Variants in CDK5RAP2 observed in about 807,000 individuals in gnomAD.
CDK5RAP2 encodes the protein CDK5 regulatory subunit associated protein 2, also known as CDK5 regulatory subunit-associated protein 2.
Under a neutral mutation model 232.9 loss-of-function variants are expected in CDK5RAP2, and 147 were observed. That is an observed-to-expected ratio of 0.63 (90% CI 0.55 to 0.72). The LOEUF (loss-of-function observed/expected upper bound fraction) is 0.72, where lower values mean the gene tolerates loss of function less well. Among genes scored for constraint, CDK5RAP2 ranks in the 30% least tolerant of loss-of-function variants. The pLI, the probability that CDK5RAP2 is intolerant of heterozygous loss-of-function variation, is 0.00. For missense variants in CDK5RAP2, 2,195 were observed against 2,231.5 expected (o/e 0.98, Z 0.33); for synonymous variants, 833 against 833.7 (o/e 1.00, Z 0.01).
chr9:120,521,114 G>A (rs964403094), intron 11 of CDK5RAP2, among the ~76,000 whole-genome samples: 1 of 151,972 alleles, frequency 6.6e-6, no homozygotes, highest in Non-Finnish European at 1.5e-5. Context: ...AAATAACAGA[G>A]GTTCCACAAA....
intron 26 of CDK5RAP2, 34 bp from the exon 27 acceptor site, chr9:120,419,994 C>G (rs1338843663): frequency 6.4e-7 from 1 of 1,569,652 alleles, no homozygotes; most frequent in Admixed American, 1.7e-5. Flanking sequence ...AAATCATCTC[C>G]CATGCTAAAA....
chr9:120,454,776 T>C (rs2036663379), intron 20 of CDK5RAP2, among the ~76,000 whole-genome samples: 1 of 152,138 alleles, frequency 6.6e-6, no homozygotes, highest in South Asian at 2.1e-4. Context: ...AATGTCCCAG[T>C]CTCCCATCCT....
At chr9:120,518,975 G>C (rs2040493449) in intron 11 of CDK5RAP2, among the ~76,000 whole-genome samples, 1 of 152,070 alleles carries the variant, frequency 6.6e-6, no homozygotes, top group Non-Finnish European at 1.5e-5. Flanking sequence ...AGGAGTTCAA[G>C]ACTAGCCTGG....
rs1225795837 is a variant in CDK5RAP2, at chr9:120,571,729, A to G, written c.127+245T>C. On this transcript the variant is annotated intron_variant, in intron 2 of 37. Coordinates refer to ENST00000349780, the MANE Select transcript of CDK5RAP2 (RefSeq NM_018249.6). The stretch of plus-strand genomic sequence containing the variant: ...TTCAGCAAACGCTCACTGAATCCCT[A>G]TAGCTTTAGTAGCAACAAATGAAAC... 2.0e-5 allele frequency: 10 copies of G among 502,192 alleles called. No individual in the cohort carries two copies. The Admixed American group carries it at 2.1e-4, about 11-fold the overall frequency. 31.1% of individuals were successfully genotyped at this position (502,192 alleles called of 1,614,324 possible).
intron 18 of CDK5RAP2, among the ~76,000 whole-genome samples, chr9:120,466,868 C>G (rs374328157): frequency 1.3e-5 from 2 of 152,306 alleles, no homozygotes; most frequent in East Asian, 3.9e-4. Context: ...CTCCATTTAC[C>G]TGGCACGCCA....
chr9:120,435,013 T>C (rs530168117), intron 25 of CDK5RAP2, among the ~76,000 whole-genome samples: 40 of 152,342 alleles, frequency 2.6e-4, no homozygotes, highest in African/African-American at 8.2e-4. Flanking sequence ...GCTAATGTTA[T>C]ACATATTCAA....
rs951257387 is a variant in CDK5RAP2 at position 120,439,829 on chromosome 9, C to A, written c.3292G>T (p.Asp1098Tyr). Residue 1098 changes from aspartate to tyrosine, a missense_variant, in exon 24 of 38, where the codon GAT (aspartate) becomes TAT (tyrosine). Asp to Tyr is a radical substitution (Grantham distance 160). Transcript: ENST00000349780. ...PSAKVSVMGT[D>Y]QSESINTSNE... is the part of the protein sequence containing the mutation. ...GAGGTATTAATGCTCTCTGACTGATCAGTCCCCATCACACTGACTTTAGCA... is the reference window on the plus strand; with the variant it reads ...GAGGTATTAATGCTCTCTGACTGATAAGTCCCCATCACACTGACTTTAGCA... 6.2e-7 allele frequency: 1 copy of A among 1,614,076 alleles called. No homozygotes were observed. Among genetic ancestry groups the A allele is most frequent in the South Asian group, 1.1e-5 (1 of 91,082 alleles).
At position 120,518,211 on chromosome 9, in the gene CDK5RAP2, G is replaced by GAGAC. The variant is rs1554770755; in HGVS notation, c.1311+215_1311+216insGTCT. 7.7e-3 allele frequency among the ~76,000 whole-genome samples: 242 copies of GAGAC among 31,572 alleles called. 2 individuals carry two copies. Among genetic ancestry groups the GAGAC allele is most frequent in the East Asian group, 0.027 (21 of 778 alleles). 20.7% of individuals were successfully genotyped at this position (31,572 alleles called of 152,430 possible). On this transcript the variant is annotated intron_variant, in intron 12 of 37. Transcript: ENST00000349780. Reference sequence around the variant, plus strand: ...TGTGTGTGTGTGTGTGTGTGTGTGTGAGAGAGAGAGAGAGAGAGAGAGAGA... The same window carrying GAGAC: ...TGTGTGTGTGTGTGTGTGTGTGTGTGAGACAGAGAGAGAGAGAGAGAGAGAGAGA...
chr9:120,455,153 A>G (rs947796411), intron 20 of CDK5RAP2, among the ~76,000 whole-genome samples: 2 of 152,260 alleles, frequency 1.3e-5, no homozygotes, highest in African/African-American at 4.8e-5. Context: ...TAAACAAACT[A>G]TGAGGGTTAC....
intron 10 of CDK5RAP2, among the ~76,000 whole-genome samples, chr9:120,526,511 C>T (rs1036037733): frequency 7.2e-5 from 11 of 152,050 alleles, no homozygotes; most frequent in South Asian, 6.2e-4. Context: ...CTTAAATAAG[C>T]CCCTCCCCCT....
chr9:120,390,723 A>T (rs2031871932), intron 36 of CDK5RAP2, among the ~76,000 whole-genome samples: 1 of 152,162 alleles, frequency 6.6e-6, no homozygotes. Context: ...AGGCTTCTGG[A>T]GCCGCGCCTT....
chr9:120,445,959 A>T (rs1446219199), intron 22 of CDK5RAP2, among the ~76,000 whole-genome samples: 22 of 152,098 alleles, frequency 1.4e-4, no homozygotes, highest in Non-Finnish European at 1.5e-5. Context: ...CTTGCCTCTC[A>T]TGCAGTCTTC....
At chr9:120,538,734 C>T (rs1028322206) in intron 6 of CDK5RAP2, among the ~76,000 whole-genome samples, 7 of 152,226 alleles carry the variant, frequency 4.6e-5, no homozygotes, top group Non-Finnish European at 7.3e-5. Flanking sequence ...CTTTAAAATC[C>T]GCATAGTTAA....
intron 3 of CDK5RAP2, among the ~76,000 whole-genome samples, chr9:120,553,252 T>C (rs2042110908): frequency 6.6e-6 from 1 of 152,218 alleles, no homozygotes; most frequent in Non-Finnish European, 1.5e-5. Context: ...CAATTCAGCC[T>C]CACTGCCTAT....
chr9:120,410,637 A>G (rs1401840021), intron 29 of CDK5RAP2, among the ~76,000 whole-genome samples: 1 of 152,218 alleles, frequency 6.6e-6, no homozygotes, highest in African/African-American at 2.4e-5. Flanking sequence ...GAGATAGGAA[A>G]TGTTGCTGAG....
At chr9:120,500,954 T>C (rs1434483153) in intron 12 of CDK5RAP2, among the ~76,000 whole-genome samples, 2 of 152,182 alleles carry the variant, frequency 1.3e-5, no homozygotes, top group African/African-American at 4.8e-5. Flanking sequence ...GGAACTCCCA[T>C]ACCTGAAAAT....
intron 25 of CDK5RAP2, among the ~76,000 whole-genome samples, chr9:120,436,336 A>G (rs1250590324): frequency 6.6e-6 from 1 of 152,226 alleles, no homozygotes; most frequent in Non-Finnish European, 1.5e-5. Flanking sequence ...CATCACGAAA[A>G]GAAGAAAGGG....
intron 12 of CDK5RAP2, among the ~76,000 whole-genome samples, chr9:120,499,606 C>T (rs1329211549): frequency 6.6e-6 from 1 of 151,980 alleles, no homozygotes; most frequent in Non-Finnish European, 1.5e-5. Context: ...TTGCCCTAAA[C>T]CTTTACTCCA....
chr9:120,540,956 T>G (rs994733301), intron 5 of CDK5RAP2, among the ~76,000 whole-genome samples: 5 of 152,216 alleles, frequency 3.3e-5, no homozygotes, highest in Non-Finnish European at 7.3e-5. Context: ...TTAATACCAT[T>G]GAATGCCATC....
Sources: allele counts gnomAD v4.1 joint callset (sites outside exome capture counted in the v4.1 genomes callset), GRCh38; gene constraint gnomAD v4.1.1; transcripts MANE v1.5; gene names NCBI Gene and HGNC (gene_info 2026-07-23, HGNC 2026-07-21).